PRKD1: variants seen among roughly 807,000 people sequenced by gnomAD.
PRKD1 encodes protein kinase D1.
Under a neutral mutation model 95.9 loss-of-function variants are expected in PRKD1, and 63 were observed. That is an observed-to-expected ratio of 0.66 (90% CI 0.54 to 0.81). The LOEUF is 0.81. Among genes scored for constraint, PRKD1 ranks in the 30% least tolerant of loss-of-function variants. The pLI is 0.00. For synonymous variants in PRKD1, 425 were observed against 423.1 expected (o/e 1.00, Z -0.05); for missense variants, 1,048 against 1,165.3 (o/e 0.90, Z 1.47).
chr14:29,755,915 C>G (rs2139473626), intron 1 of PRKD1, among the ~76,000 whole-genome samples: 1 of 152,244 alleles, frequency 6.6e-6, no homozygotes, highest in Admixed American at 6.5e-5. Context: ...CCAGGCCACA[C>G]AGTCATTGAT....
At position 29,619,266 on chromosome 14, in the gene PRKD1, A is replaced by G. The variant is rs953045280; in HGVS notation, c.1905+4886T>C. ...CTTCAGGTTCAAGATGGTGAGCTCT[A>G]GTTTTAATAATAAATATAAAATGAC... On this transcript the variant is annotated intron_variant, in intron 13 of 17. Transcript: ENST00000331968. Among the ~76,000 whole-genome samples the G allele has an allele frequency of 9.2e-5, 14 of 152,074 alleles. 1 individual carries two copies. Among genetic ancestry groups the G allele is most frequent in the African/African-American group, 3.1e-4 (13 of 41,402 alleles).
intron 16 of PRKD1, among the ~76,000 whole-genome samples, chr14:29,581,148 G>T (rs1892743467): frequency 6.6e-6 from 1 of 151,848 alleles, no homozygotes; most frequent in Non-Finnish European, 1.5e-5. Context: ...TACATCTTTG[G>T]AGACAGTGAT....
chr14:29,752,302 G>C (rs1335671013), intron 1 of PRKD1, among the ~76,000 whole-genome samples: 1 of 152,004 alleles, frequency 6.6e-6, no homozygotes, highest in African/African-American at 2.4e-5. Flanking sequence ...TCCCTCAAGG[G>C]CCAGTATGCT....
intron 1 of PRKD1, among the ~76,000 whole-genome samples, chr14:29,826,778 TATACATATATAC>T (rs1891177938): frequency 5.0e-5 from 2 of 40,112 alleles, no homozygotes; most frequent in African/African-American, 9.3e-5. Context: ...TACACATATA[TATACATATATAC>T]ACATATATAT....
intron 1 of PRKD1, among the ~76,000 whole-genome samples, chr14:29,874,969 A>T (rs1048895870): frequency 4.6e-5 from 7 of 152,212 alleles, no homozygotes; most frequent in African/African-American, 1.7e-4. Flanking sequence ...TGCACATTTC[A>T]AAGTAGCTAG....
intron 2 of PRKD1, among the ~76,000 whole-genome samples, chr14:29,696,562 T>A (rs181502132): frequency 7.0e-4 from 106 of 152,316 alleles, no homozygotes; most frequent in Admixed American, 1.3e-3. Flanking sequence ...GATGACTGCA[T>A]AACTTTGTGA....
At chr14:29,660,267 T>G (rs1253460377) in intron 4 of PRKD1, among the ~76,000 whole-genome samples, 1 of 152,250 alleles carries the variant, frequency 6.6e-6, no homozygotes, top group Non-Finnish European at 1.5e-5. Context: ...TTTCTGTCTT[T>G]GTGTAACAGC....
chr14:29,814,587 G>A (rs1310913616), intron 1 of PRKD1, among the ~76,000 whole-genome samples: 1 of 152,090 alleles, frequency 6.6e-6, no homozygotes, highest in Non-Finnish European at 1.5e-5. Flanking sequence ...TGCTCCAACT[G>A]CAGTCTGCAC....
chr14:29,579,857 C>T (rs757236479), intron 16 of PRKD1, among the ~76,000 whole-genome samples: 1 of 152,192 alleles, frequency 6.6e-6, no homozygotes, highest in Non-Finnish European at 1.5e-5. Context: ...GTACTCAGTA[C>T]ATTTTCATAT....
intron 1 of PRKD1, among the ~76,000 whole-genome samples, chr14:29,751,760 G>C (rs1267557669): frequency 1.3e-5 from 2 of 152,134 alleles, no homozygotes; most frequent in Admixed American, 6.5e-5. Context: ...CTCTCACTCT[G>C]ACTTCGAGAT....
At chr14:29,825,443 G>A (rs774260274) in intron 1 of PRKD1, among the ~76,000 whole-genome samples, 1 of 151,960 alleles carries the variant, frequency 6.6e-6, no homozygotes, top group Non-Finnish European at 1.5e-5. Context: ...TGTATGCTTG[G>A]AAGAAGTCAC....
intron 2 of PRKD1, among the ~76,000 whole-genome samples, chr14:29,687,174 C>A (rs538852382): frequency 1.3e-5 from 2 of 152,214 alleles, no homozygotes; most frequent in Admixed American, 1.3e-4. Flanking sequence ...AGAGAACTTG[C>A]ATAGTATTTG....
intron 2 of PRKD1, among the ~76,000 whole-genome samples, chr14:29,669,191 C>T (rs1417102606): frequency 6.6e-6 from 1 of 152,082 alleles, no homozygotes; most frequent in Non-Finnish European, 1.5e-5. Flanking sequence ...AAAATTAATC[C>T]AGTTCTCAAG....
intron 16 of PRKD1, among the ~76,000 whole-genome samples, chr14:29,580,715 T>G (rs1594335359): frequency 6.6e-6 from 1 of 152,292 alleles, no homozygotes; most frequent in Middle Eastern, 3.4e-3. Flanking sequence ...TTACTAAACA[T>G]TTTTGAACAC....
At chr14:29,648,855 C>T (rs549924672) in intron 4 of PRKD1, among the ~76,000 whole-genome samples, 20 of 152,158 alleles carry the variant, frequency 1.3e-4, no homozygotes, top group South Asian at 4.1e-4. Context: ...GGGGTTTCAC[C>T]GTGTTAGCCA....
chr14:29,651,559 T>C (rs1054447248), intron 4 of PRKD1, among the ~76,000 whole-genome samples: 1 of 152,044 alleles, frequency 6.6e-6, no homozygotes, highest in East Asian at 1.9e-4. Flanking sequence ...CTGAATTTTC[T>C]CTAGTTTCTA....
intron 1 of PRKD1, among the ~76,000 whole-genome samples, chr14:29,772,361 G>A (rs556332872): frequency 2.6e-5 from 4 of 152,264 alleles, no homozygotes; most frequent in Admixed American, 2.6e-4. Flanking sequence ...TGAGGATGCA[G>A]CTAGGAGACA....
intron 1 of PRKD1, among the ~76,000 whole-genome samples, chr14:29,802,372 T>TA (rs1297968512): frequency 1.3e-5 from 2 of 152,216 alleles, no homozygotes; most frequent in Non-Finnish European, 2.9e-5. Context: ...TAAGTTCAGA[T>TA]AAAAAGCACA....
intron 2 of PRKD1, among the ~76,000 whole-genome samples, chr14:29,672,405 T>C (rs1882913835): frequency 6.6e-6 from 1 of 151,804 alleles, no homozygotes; most frequent in Admixed American, 6.6e-5. Context: ...ATTAGCAACA[T>C]AGGGGAAAAT....
Sources: allele counts gnomAD v4.1 joint callset (sites outside exome capture counted in the v4.1 genomes callset), GRCh38; gene constraint gnomAD v4.1.1; transcripts MANE v1.5; gene names NCBI Gene and HGNC (gene_info 2026-07-23, HGNC 2026-07-21).